Variants in ENTPD1 observed in about 807,000 individuals in gnomAD.
ENTPD1 encodes the protein ATP diphosphohydrolase.
ENTPD1 carries 33 observed loss-of-function variants against 57.0 expected under a neutral mutation model. The ratio of observed to expected loss-of-function variants is 0.58; its 90% CI spans 0.44 to 0.77. ENTPD1 has a LOEUF of 0.77. Ranked by LOEUF, ENTPD1 falls within the 30% of genes least tolerant of loss-of-function variation. The probability of loss-of-function intolerance (pLI) is 0.00; values close to 1 mark genes in which losing one functional copy is unlikely to be tolerated. For synonymous variants in ENTPD1, 202 were observed against 218.8 expected (o/e 0.92, Z 0.68); for missense variants, 501 against 603.4 (o/e 0.83, Z 1.78).
Position 95,873,174 on chromosome 10 carries a change from T to G in ENTPD1, c.*6791T>G, listed in dbSNP as rs150869876. 182 of 985,410 alleles carry G rather than the reference T, an allele frequency of 1.8e-4. No individual in the cohort carries two copies. The highest frequency in any genetic ancestry group is 6.8e-4 in the East Asian group (6 of 8,822). The allele number at this position is 985,410 out of a possible 1,614,324, so 61.0% of individuals were successfully genotyped here. On this transcript the variant is annotated 3_prime_UTR_variant, in exon 10 of 10. Coordinates refer to ENST00000371205, the MANE Select transcript of ENTPD1 (RefSeq NM_001776.6). ...CTGTCCAGGAATCACACTTTGCGTA[T>G]CAAAGGTCTAGATGACATTATCATT...
intron 1 of ENTPD1, among the ~76,000 whole-genome samples, chr10:95,713,386 A>G (rs1236985299): frequency 6.6e-6 from 1 of 152,228 alleles, no homozygotes; most frequent in Admixed American, 6.5e-5. Flanking sequence ...TATTTATGGG[A>G]CAATCAAAAT....
rs1476890534 is a variant in ENTPD1 at position 95,823,292 on chromosome 10, C to T, written c.72C>T (p.Ser24=). Reference sequence around the variant, plus strand: ...ATATCCTAGCCATCCTTGGCTTCTCCTCTATCATAGCTGTGATAGCTTTGC... The same window carrying T: ...ATATCCTAGCCATCCTTGGCTTCTCTTCTATCATAGCTGTGATAGCTTTGC... ...SKNILAILGF[S]SIIAVIALLA... The change falls in exon 2 of 10, where the codon TCC becomes TCT. Residue 24 remains serine, a synonymous_variant. Coordinates refer to ENST00000371205, the MANE Select transcript of ENTPD1 (RefSeq NM_001776.6). The T allele has an allele frequency of 1.2e-6, 2 of 1,614,192 alleles. No individual in the cohort carries two copies.
rs2098475894 is a variant in ENTPD1 at position 95,867,612 on chromosome 10, T to C, written c.*1229T>C. 4 of 985,460 alleles carry C rather than the reference T, an allele frequency of 4.1e-6. No homozygotes were observed. The highest frequency in any genetic ancestry group is 4.7e-5 in the South Asian group (1 of 21,290). 61.0% of individuals were successfully genotyped at this position (985,460 alleles called of 1,614,324 possible). On this transcript the variant is annotated 3_prime_UTR_variant, in exon 10 of 10. Transcript: ENST00000371205. ...ACCCGTCACACAACATGGGCTTTGT[T>C]TGCTTATTCCATGAAGCAGCAGCTA...
Position 95,876,844 on chromosome 10 carries a change from T to C in ENTPD1, c.*10461T>C, listed in dbSNP as rs1019295630. On this transcript the variant is annotated 3_prime_UTR_variant, in exon 10 of 10. Transcript: ENST00000371205. ...CAAATGAAACAAGATTCAGACTTCA[T>C]GAAGAGCACTGCGCTATAATAAAAG... Among the ~76,000 whole-genome samples the C allele has an allele frequency of 3.9e-5, 6 of 152,226 alleles. No individual in the cohort carries two copies. The highest frequency in any genetic ancestry group is 1.4e-4 in the African/African-American group (6 of 41,446).
chr10:95,706,359 A>G, the ENTPD1 span, among the ~76,000 whole-genome samples: 1 of 140,880 alleles, frequency 7.1e-6, no homozygotes, highest in Non-Finnish European at 1.6e-5. Flanking sequence ...AGGATGAACA[A>G]GGCAAAGATA....
At position 95,871,544 on chromosome 10, in the gene ENTPD1, T is replaced by C. The variant is rs1566269931; in HGVS notation, c.*5161T>C. 1.0e-6 allele frequency: 1 copy of C among 985,326 alleles called. No individual in the cohort carries two copies. Among genetic ancestry groups the C allele is most frequent in the Non-Finnish European group, 1.2e-6 (1 of 829,944 alleles). The allele number at this position is 985,326 out of a possible 1,614,324, so 61.0% of individuals were successfully genotyped here. ...ACAAATCTAATACAACTGAACACAATCAGTTTTATCACAGGTATAATGGAT... is the reference window on the plus strand; with the variant it reads ...ACAAATCTAATACAACTGAACACAACCAGTTTTATCACAGGTATAATGGAT... On this transcript the variant is annotated 3_prime_UTR_variant, in exon 10 of 10. Transcript: ENST00000371205.
At chr10:95,768,977 G>T (rs1178709673) in intron 1 of ENTPD1, among the ~76,000 whole-genome samples, 1 of 152,206 alleles carries the variant, frequency 6.6e-6, no homozygotes, top group Non-Finnish European at 1.5e-5. Context: ...TGCATAGTCT[G>T]CCCATGGCTC....
At chr10:95,740,634 G>A (rs886607996) in intron 1 of ENTPD1, among the ~76,000 whole-genome samples, 1 of 152,110 alleles carries the variant, frequency 6.6e-6, no homozygotes, top group African/African-American at 2.4e-5. Context: ...ATCCAAGATG[G>A]CATCTTCTTC....
intron 1 of ENTPD1, among the ~76,000 whole-genome samples, chr10:95,785,493 C>T (rs983844885): frequency 2.0e-5 from 3 of 152,214 alleles, no homozygotes; most frequent in African/African-American, 7.2e-5. Flanking sequence ...TTGGAACAAT[C>T]TGTTGTGGCC....
intron 1 of ENTPD1, among the ~76,000 whole-genome samples, chr10:95,809,681 C>A (rs1424336759): frequency 4.0e-4 from 51 of 127,508 alleles, no homozygotes; most frequent in Middle Eastern, 5.7e-3. Flanking sequence ...GACGGGGTGG[C>A]CGCCGGGCAG....
intron 9 of ENTPD1, 39 bp downstream of exon 9, chr10:95,864,900 T>G: frequency 6.2e-7 from 1 of 1,608,378 alleles, no homozygotes; most frequent in South Asian, 1.1e-5. Context: ...GAGGTTGGGG[T>G]TCGGTGGTAG....
intron 1 of ENTPD1, among the ~76,000 whole-genome samples, chr10:95,716,338 G>A (rs561191396): frequency 2.0e-5 from 3 of 152,170 alleles, no homozygotes; most frequent in Non-Finnish European, 4.4e-5. Flanking sequence ...TTTTGATTTT[G>A]GTTGCGAACG....
rs752685478 is a variant in ENTPD1, at chr10:95,823,280, C to A, written c.60C>A (p.Ile20=). 1 of 1,614,116 alleles carries A rather than the reference C, an allele frequency of 6.2e-7. No homozygotes were observed. The highest frequency in any genetic ancestry group is 2.2e-5 in the East Asian group (1 of 44,874). The part of the protein sequence containing the change: ...KTFCSKNILA[I]LGFSSIIAVI... The stretch of plus-strand genomic sequence containing the variant: ...TTTGCTCCAAGAATATCCTAGCCAT[C>A]CTTGGCTTCTCCTCTATCATAGCTG... The change falls in exon 2 of 10, where the codon ATC becomes ATA. Residue 20 remains isoleucine, a synonymous_variant. Coordinates refer to ENST00000371205, the MANE Select transcript of ENTPD1 (RefSeq NM_001776.6).
chr10:95,710,973 A>C (rs1318233458), upstream of ENTPD1, among the ~76,000 whole-genome samples: 1 of 152,166 alleles, frequency 6.6e-6, no homozygotes, highest in East Asian at 1.9e-4. Context: ...TGGTAGCCAC[A>C]AATGAAGGCC....
rs530047833 is a variant in ENTPD1 at position 95,809,737 on chromosome 10, C to T, written c.17-13500C>T. Among the ~76,000 whole-genome samples the T allele has an allele frequency of 6.7e-5, 10 of 149,330 alleles. No individual in the cohort carries two copies. The South Asian group carries it at 2.1e-3, about 32-fold the overall frequency. ...ACGGGGTGGCCGCCGGGCAGAGGCG[C>T]TCCCCACCTCCCAGATGGGGCGGCT... On this transcript the variant is annotated intron_variant, in intron 1 of 9. Coordinates refer to ENST00000371205, the MANE Select transcript of ENTPD1 (RefSeq NM_001776.6).
chr10:95,760,814 C>CTTTGTTTTTTTTTTTTT, intron 1 of ENTPD1, among the ~76,000 whole-genome samples: 1 of 62,956 alleles, frequency 1.6e-5, no homozygotes, highest in Non-Finnish European at 2.8e-5. Flanking sequence ...AGAGTTTATT[C>CTTTGTTTTTTTTTTTTT]TTTTTTTTTT....
intron 1 of ENTPD1, among the ~76,000 whole-genome samples, chr10:95,767,025 G>A (rs565780601): frequency 9.8e-4 from 149 of 151,926 alleles, no homozygotes; most frequent in Non-Finnish European, 1.1e-3. Context: ...GGCTACAGGC[G>A]TGCACCACCA....
intron 1 of ENTPD1, among the ~76,000 whole-genome samples, chr10:95,734,381 A>G (rs1254089523): frequency 2.0e-5 from 3 of 152,204 alleles, no homozygotes; most frequent in African/African-American, 2.4e-5. Context: ...GTGGATTAAG[A>G]TGGAACTTGC....
intron 7 of ENTPD1, among the ~76,000 whole-genome samples, chr10:95,852,853 G>A (rs1172123397): frequency 6.6e-6 from 1 of 152,198 alleles, no homozygotes; most frequent in Non-Finnish European, 1.5e-5. Flanking sequence ...ATAGTTTGAA[G>A]TCAGGTAGCG....
Sources: allele counts gnomAD v4.1 joint callset (sites outside exome capture counted in the v4.1 genomes callset), GRCh38; gene constraint gnomAD v4.1.1; transcripts MANE v1.5; gene names NCBI Gene and HGNC (gene_info 2026-07-23, HGNC 2026-07-21).